Variants in VWA5B1 observed in about 807,000 individuals in gnomAD.
VWA5B1 encodes the protein von Willebrand factor A domain containing 5B1, also known as von Willebrand factor A domain-containing protein 5B1.
Under a neutral mutation model 118.2 loss-of-function variants are expected in VWA5B1, and 115 were observed. The observed-to-expected ratio is 0.97, with a 90% CI of 0.84 to 1.14. VWA5B1 has a LOEUF of 1.14. VWA5B1 is among the 50% of genes most tolerant of loss of function. The probability of loss-of-function intolerance (pLI) is 0.00; values close to 1 mark genes in which losing one functional copy is unlikely to be tolerated. For synonymous variants in VWA5B1, 682 were observed against 658.4 expected (o/e 1.04, Z -0.55); for missense variants, 1,596 against 1,603.8 (o/e 1.00, Z 0.08).
At chr1:20,311,801 C>T (rs1001763069) in intron 2 of VWA5B1, among the ~76,000 whole-genome samples, 3 of 152,166 alleles carry the variant, frequency 2.0e-5, no homozygotes, top group African/African-American at 7.2e-5. Flanking sequence ...ACCAACACTA[C>T]CCAAAGGGAG....
At chr1:20,307,600 G>A (rs187524969) in intron 1 of VWA5B1, among the ~76,000 whole-genome samples, 10 of 152,310 alleles carry the variant, frequency 6.6e-5, no homozygotes, top group African/African-American at 1.9e-4. Context: ...TGTCATTGCT[G>A]TGACCTTTCC....
chr1:20,298,185 A>G (rs1553193594), intron 1 of VWA5B1, among the ~76,000 whole-genome samples: 1 of 151,540 alleles, frequency 6.6e-6, no homozygotes, highest in Non-Finnish European at 1.5e-5. Context: ...ATTTTTGTGT[A>G]TATGTGTAGA....
At chr1:20,336,521 T>C (rs1159602843) in intron 13 of VWA5B1, 35 bp downstream of exon 13, 10 of 1,321,000 alleles carry the variant, frequency 7.6e-6, no homozygotes, top group East Asian at 5.9e-5. Context: ...CTGCCTTACA[T>C]TGAGCACTTA....
intron 8 of VWA5B1, among the ~76,000 whole-genome samples, chr1:20,324,775 T>C (rs1390505675): frequency 3.3e-5 from 5 of 152,102 alleles, no homozygotes; most frequent in Non-Finnish European, 5.9e-5. Context: ...GCTACAGTTG[T>C]CTTGAAGTAT....
At chr1:20,291,490 T>TCC (rs397776079) in intron 1 of VWA5B1, among the ~76,000 whole-genome samples, 2 of 150,874 alleles carry the variant, frequency 1.3e-5, no homozygotes, top group Non-Finnish European at 3.0e-5. Flanking sequence ...TGTGTGAGTC[T>TCC]GCGTCTCCTT....
rs567447412 is a variant in VWA5B1, at chr1:20,309,354, G to A, written c.-26-1222G>A. 3.9e-5 allele frequency among the ~76,000 whole-genome samples: 6 copies of A among 152,334 alleles called. No homozygotes were observed. In the East Asian group the frequency reaches 1.2e-3, roughly 29 times the overall value. On this transcript the variant is annotated intron_variant, in intron 1 of 21. Transcript: ENST00000289815. ...GGGGAGAAAAACTCAGCTCCGTGGG[G>A]GGATGACAGAGGATGCTGGGCACAC...
In VWA5B1 at chr1:20,312,955, G is replaced by A. The variant is rs945060351; in HGVS notation, c.259G>A (p.Asp87Asn). Reference sequence around the variant, plus strand: ...AGCCAAGCTGGAGAGCGGCCACTTCGATGCCTCCCATGTTCGATCCCCAAC... The same window carrying A: ...AGCCAAGCTGGAGAGCGGCCACTTCAATGCCTCCCATGTTCGATCCCCAAC... ...DKAKLESGHF[D>N]ASHVRSPTVT... Residue 87 changes from aspartate (D) to asparagine (N), a missense_variant, in exon 3 of 22, where the codon GAT (aspartate) becomes AAT (asparagine). Physicochemically the swap from Asp to Asn is conservative, Grantham distance 23 (BLOSUM62 1). Transcript: ENST00000289815. 20 of 1,551,496 alleles carry A rather than the reference G, an allele frequency of 1.3e-5. No homozygotes were observed. The highest frequency in any genetic ancestry group is 5.5e-5 in the African/African-American group (4 of 73,062).
intron 4 of VWA5B1, 114 bp from the exon 5 acceptor site, chr1:20,317,416 G>T (rs2089049177): frequency 1.4e-6 from 2 of 1,406,902 alleles, no homozygotes; most frequent in South Asian, 1.5e-5. Context: ...GGGTCTGGGG[G>T]CCCCCTTGGT....
intron 1 of VWA5B1, among the ~76,000 whole-genome samples, chr1:20,292,576 G>A (rs932364608): frequency 2.0e-5 from 3 of 152,200 alleles, no homozygotes; most frequent in Non-Finnish European, 2.9e-5. Flanking sequence ...CGTGTTTGTG[G>A]GTGCATGTGG....
Position 20,343,387 on chromosome 1 carries a change from G to T in VWA5B1, c.2620G>T (p.Glu874Ter). The T allele has an allele frequency of 6.6e-7, 1 of 1,523,736 alleles. No individual in the cohort carries two copies. The highest frequency in any genetic ancestry group is 2.0e-5 in the Admixed American group (1 of 50,476). 94.4% of individuals were successfully genotyped at this position (1,523,736 alleles called of 1,614,324 possible). Residue 874 changes from glutamate to a stop codon, truncating the protein, a stop_gained, in exon 16 of 22, where the codon GAG becomes TAG. Coordinates refer to ENST00000289815, the MANE Select transcript of VWA5B1 (RefSeq NM_001039500.3). LOFTEE classifies it high-confidence loss of function. ...GCTGGCGGAGCGCGAGGGCGAGATC[G>T]AGCAGGGTGAGCGCCACGGAACTGC... ...EQLAEREGEI[E>*]QGSNRRYQVS...
intron 1 of VWA5B1, among the ~76,000 whole-genome samples, chr1:20,301,947 T>C (rs1009991484): frequency 6.6e-6 from 1 of 152,206 alleles, no homozygotes; most frequent in Non-Finnish European, 1.5e-5. Context: ...TTTCTGTATA[T>C]GTAAACCACT....
chr1:20,314,554 C>T lies in VWA5B1; in HGVS notation c.525C>T (p.Cys175=). ...GTGCCCCAACCGTGCCCCAGTTCTG[C>T]ACCAAGAGCACTGGCACCTCCAACC... The part of the protein sequence containing the change: ...AVCAPTVPQF[C]TKSTGTSNQQ... The change falls in exon 4 of 22, where the codon TGC becomes TGT. Residue 175 remains cysteine (C), a synonymous_variant. Transcript: ENST00000289815. The T allele has an allele frequency of 6.4e-7, 1 of 1,551,658 alleles. No homozygotes were observed. Among genetic ancestry groups the T allele is most frequent in the Non-Finnish European group, 8.7e-7 (1 of 1,147,020 alleles).
chr1:20,313,393 C>A (rs1187948097), intron 3 of VWA5B1, among the ~76,000 whole-genome samples: 1 of 152,180 alleles, frequency 6.6e-6, no homozygotes, highest in Non-Finnish European at 1.5e-5. Flanking sequence ...AATTAACCCC[C>A]TCTGTAAAAT....
At chr1:20,329,658 G>C (rs1010666064) in intron 9 of VWA5B1, among the ~76,000 whole-genome samples, 1 of 152,116 alleles carries the variant, frequency 6.6e-6, no homozygotes, top group African/African-American at 2.4e-5. Flanking sequence ...TGTATCCAGT[G>C]GGAATTTACT....
At chr1:20,347,806 G>A (rs2090039482) in intron 17 of VWA5B1, among the ~76,000 whole-genome samples, 1 of 151,726 alleles carries the variant, frequency 6.6e-6, no homozygotes, top group Admixed American at 6.6e-5. Flanking sequence ...ACCCCTCTTG[G>A]TGATGCCCTG....
intron 7 of VWA5B1, among the ~76,000 whole-genome samples, chr1:20,321,909 A>G (rs970514606): frequency 5.9e-5 from 9 of 152,348 alleles, no homozygotes; most frequent in African/African-American, 1.9e-4. Flanking sequence ...TTCCTAAACT[A>G]TGGTTCAGAG....
chr1:20,304,185 A>T (rs1273049219), intron 1 of VWA5B1, among the ~76,000 whole-genome samples: 1 of 152,194 alleles, frequency 6.6e-6, no homozygotes, highest in Non-Finnish European at 1.5e-5. Flanking sequence ...GAGTGGTTAC[A>T]GTGCCGCAGG....
chr1:20,338,337 G>A (rs534670183), intron 14 of VWA5B1: 30 of 312,870 alleles, frequency 9.6e-5, no homozygotes, highest in South Asian at 8.5e-4. Context: ...GGGCAGAGAG[G>A]ATTTTTTGTT....
intron 1 of VWA5B1, among the ~76,000 whole-genome samples, chr1:20,295,253 A>C (rs776776154): frequency 3.3e-5 from 5 of 152,202 alleles, no homozygotes; most frequent in African/African-American, 1.2e-4. Flanking sequence ...GGAAGAGCAC[A>C]TATTCTAGTC....
Sources: allele counts gnomAD v4.1 joint callset (sites outside exome capture counted in the v4.1 genomes callset), GRCh38; gene constraint gnomAD v4.1.1; transcripts MANE v1.5; gene names NCBI Gene and HGNC (gene_info 2026-07-23, HGNC 2026-07-21).